Variants in IBTK observed in about 807,000 individuals in gnomAD.
IBTK encodes inhibitor of Bruton tyrosine kinase.
In IBTK, 83 loss-of-function variants were observed where a neutral mutation model predicts 154.9. The observed-to-expected ratio is 0.54, with a 90% confidence interval of 0.45 to 0.64. The LOEUF (loss-of-function observed/expected upper bound fraction) is 0.64. IBTK is among the 30% of genes least tolerant of loss of function. The probability of loss-of-function intolerance (pLI) is 0.00; values close to 1 mark genes in which losing one functional copy is unlikely to be tolerated. For synonymous variants in IBTK, 515 were observed against 536.1 expected (o/e 0.96, Z 0.54); for missense variants, 1,332 against 1,584.6 (o/e 0.84, Z 2.71).
chr6:82,206,463 G>C (rs991774247), intron 16 of IBTK, among the ~76,000 whole-genome samples: 14 of 152,176 alleles, frequency 9.2e-5, no homozygotes, highest in Non-Finnish European at 1.3e-4. Context: ...TCCAGGACCA[G>C]ATGGCTTAAT....
intron 9 of IBTK, among the ~76,000 whole-genome samples, chr6:82,220,244 A>C (rs1380603818): frequency 6.6e-6 from 1 of 152,178 alleles, no homozygotes; most frequent in Non-Finnish European, 1.5e-5. Flanking sequence ...GTTACATTAC[A>C]TATCTTATAT....
chr6:82,233,771 T>G (rs1251028343), intron 3 of IBTK, among the ~76,000 whole-genome samples: 1 of 146,562 alleles, frequency 6.8e-6, no homozygotes, highest in African/African-American at 2.5e-5. Context: ...TGGAGTGCAG[T>G]GGCAAGATCT....
chr6:82,227,413 G>C, intron 4 of IBTK, 111 bp from the exon 5 acceptor site: 1 of 523,642 alleles, frequency 1.9e-6, no homozygotes, highest in Non-Finnish European at 3.1e-6. Flanking sequence ...TGGATACAAG[G>C]GGAATTTATA....
intron 24 of IBTK, 51 bp downstream of exon 24, chr6:82,191,736 T>C (rs1768777034): frequency 9.0e-7 from 1 of 1,106,814 alleles, no homozygotes; most frequent in East Asian, 2.4e-5. Context: ...TGTCCAATTC[T>C]TAGGGCAGAA....
chr6:82,204,253 G>A (rs146671478), intron 17 of IBTK, among the ~76,000 whole-genome samples: 4 of 152,180 alleles, frequency 2.6e-5, no homozygotes, highest in African/African-American at 7.2e-5. Context: ...CCAAAGGTAG[G>A]GGAAATGTGA....
At chr6:82,200,802 A>G (rs1481764527) in intron 19 of IBTK, 94 bp from the exon 20 acceptor site, 2 of 1,309,908 alleles carry the variant, frequency 1.5e-6, no homozygotes, top group Non-Finnish European at 1.9e-6. Flanking sequence ...GGCTCTTGCC[A>G]TGTTGGCCAG....
intron 25 of IBTK, among the ~76,000 whole-genome samples, chr6:82,184,030 C>A (rs1768417922): frequency 6.6e-6 from 1 of 152,156 alleles, no homozygotes; most frequent in South Asian, 2.1e-4. Context: ...TATAAATTAC[C>A]CAGTCTGTGG....
intron 22 of IBTK, among the ~76,000 whole-genome samples, chr6:82,194,943 A>T (rs1193757083): frequency 6.6e-6 from 1 of 152,238 alleles, no homozygotes; most frequent in African/African-American, 2.4e-5. Context: ...TGTACAAATA[A>T]GACATGAAGC....
intron 8 of IBTK, among the ~76,000 whole-genome samples, chr6:82,222,280 A>G (rs1770129038): frequency 6.6e-6 from 1 of 152,162 alleles, no homozygotes; most frequent in African/African-American, 2.4e-5. Flanking sequence ...TTACATTATC[A>G]AAAGCATTTT....
chr6:82,235,771 G>T (rs1053726752), intron 2 of IBTK, among the ~76,000 whole-genome samples: 6 of 152,070 alleles, frequency 3.9e-5, no homozygotes, highest in Non-Finnish European at 7.4e-5. Flanking sequence ...AATATATTTT[G>T]TTTATGTTAC....
intron 9 of IBTK, among the ~76,000 whole-genome samples, chr6:82,219,767 A>T (rs1321167399): frequency 1.3e-5 from 2 of 152,058 alleles, no homozygotes; most frequent in Non-Finnish European, 2.9e-5. Flanking sequence ...TTCCTTATAC[A>T]CTAGTGATCC....
At chr6:82,206,205 GC>G (rs1769405393) in intron 16 of IBTK, among the ~76,000 whole-genome samples, 1 of 152,172 alleles carries the variant, frequency 6.6e-6, no homozygotes, top group Admixed American at 6.5e-5. Flanking sequence ...GAAACCAACA[GC>G]TCCATAATCA....
intron 25 of IBTK, among the ~76,000 whole-genome samples, chr6:82,186,584 T>C (rs1768564490): frequency 6.6e-6 from 1 of 152,186 alleles, no homozygotes; most frequent in Admixed American, 6.5e-5. Context: ...CGATGTTTGC[T>C]TTACTAAGGT....
chr6:82,223,397 A>G lies in IBTK; in HGVS notation c.1124+43T>C, dbSNP rs1020570774. On this transcript the variant is annotated intron_variant, in intron 8 of 28. Coordinates refer to ENST00000306270, the MANE Select transcript of IBTK (RefSeq NM_015525.4). Reference sequence around the variant, plus strand: ...ACTCAGATATTTGCTGGAAGAGTTGAATTATTATTAAAATTACGTTTCTTT... The same window carrying G: ...ACTCAGATATTTGCTGGAAGAGTTGGATTATTATTAAAATTACGTTTCTTT... The G allele has an allele frequency of 6.8e-6, 10 of 1,481,418 alleles. No homozygotes were observed. The Middle Eastern group carries it at 5.4e-4, about 80-fold the overall frequency. The allele number at this position is 1,481,418 out of a possible 1,614,324, so 91.8% of individuals were successfully genotyped here.
At chr6:82,188,971 A>C (rs1157406168) in intron 25 of IBTK, 1 of 413,416 alleles carries the variant, frequency 2.4e-6, no homozygotes, top group Non-Finnish European at 4.7e-6. Context: ...CGGAGGTTGC[A>C]GTGAACCAAG....
At chr6:82,220,105 G>C (rs1770041686) in intron 9 of IBTK, among the ~76,000 whole-genome samples, 1 of 152,110 alleles carries the variant, frequency 6.6e-6, no homozygotes, top group African/African-American at 2.4e-5. Context: ...TGCTACTCAG[G>C]AGGCTGAGAC....
At chr6:82,193,428 C>G (rs1042898527) in intron 23 of IBTK, among the ~76,000 whole-genome samples, 1 of 139,882 alleles carries the variant, frequency 7.1e-6, no homozygotes, top group African/African-American at 2.6e-5. Flanking sequence ...TGTACTTATG[C>G]AAAAAAAAAA....
intron 11 of IBTK, 105 bp downstream of exon 11, chr6:82,215,971 C>T (rs1769857636): frequency 9.4e-6 from 7 of 746,894 alleles, no homozygotes; most frequent in African/African-American, 1.8e-5. Flanking sequence ...CTCTATAGGT[C>T]TTGGCAACAG....
At chr6:82,242,309 T>G (rs2127830557) in intron 1 of IBTK, among the ~76,000 whole-genome samples, 1 of 151,034 alleles carries the variant, frequency 6.6e-6, no homozygotes, top group Non-Finnish European at 1.5e-5. Context: ...GCAGAGTTTG[T>G]GGTGAACCAA....
Sources: allele counts gnomAD v4.1 joint callset (sites outside exome capture counted in the v4.1 genomes callset), GRCh38; gene constraint gnomAD v4.1.1; transcripts MANE v1.5; gene names NCBI Gene and HGNC (gene_info 2026-07-23, HGNC 2026-07-21).